DNAH10: variants seen among roughly 807,000 people sequenced by gnomAD.
DNAH10 encodes dynein axonemal heavy chain 10.
A neutral mutation model predicts 506.6 loss-of-function variants in DNAH10; 348 were observed. The observed-to-expected ratio is 0.69, with a 90% CI of 0.63 to 0.75. The LOEUF (loss-of-function observed/expected upper bound fraction) is 0.75, where lower values mean the gene tolerates loss of function less well. DNAH10 is among the 30% of genes least tolerant of loss of function. The pLI is 0.00. For missense variants in DNAH10, 5,179 were observed against 5,787.1 expected, an observed-to-expected ratio of 0.89 and a Z score of 3.41; for synonymous variants, 2,059 against 2,198.6, an observed-to-expected ratio of 0.94 and a Z score of 1.78.
intron 26 of DNAH10, among the ~76,000 whole-genome samples, chr12:123,831,749 CCGGG>C (rs1224550348): frequency 0.023 from 1,432 of 61,200 alleles, 14 homozygotes; most frequent in African/African-American, 0.069. Context: ...AAAAAATTAG[CCGGG>C]TGTGGTGCCG....
chr12:123,826,125 AAAAAAT>A (rs946002937), intron 24 of DNAH10, among the ~76,000 whole-genome samples: 4 of 152,156 alleles, frequency 2.6e-5, no homozygotes, highest in Non-Finnish European at 5.9e-5. Context: ...CTGTCTCCAA[AAAAAAT>A]AAAAATAATA....
rs1431678966 is a variant in DNAH10, at chr12:123,924,573, G to A, written c.11766+141G>A. On this transcript the variant is annotated intron_variant, in intron 67 of 78. Coordinates refer to ENST00000673944, the MANE Select transcript of DNAH10 (RefSeq NM_001372106.1). The stretch of plus-strand genomic sequence containing the variant: ...TGTAACTGATGCCCTGTAACTCCCT[G>A]ATTGGAATTCTCCTTTGGCTAATTC... 4 of 1,094,686 alleles carry A rather than the reference G, an allele frequency of 3.7e-6. No individual in the cohort carries two copies. In the East Asian group the frequency reaches 1.1e-4, roughly 29 times the overall value. The allele number at this position is 1,094,686 out of a possible 1,614,324, so 67.8% of individuals were successfully genotyped here.
chr12:123,796,299 A>G (rs1338482517), intron 12 of DNAH10, among the ~76,000 whole-genome samples: 1 of 152,150 alleles, frequency 6.6e-6, no homozygotes, highest in African/African-American at 2.4e-5. Context: ...TCTACCAAAA[A>G]TACAAAAATT....
chr12:123,799,472 G>T, intron 14 of DNAH10, 101 bp downstream of exon 14: 2 of 1,457,248 alleles, frequency 1.4e-6, no homozygotes, highest in Non-Finnish European at 1.8e-6. Context: ...AGTTGGGTCA[G>T]TTTCCAGAAT....
chr12:123,869,768 C>A (rs913531061), intron 43 of DNAH10, among the ~76,000 whole-genome samples: 1 of 152,200 alleles, frequency 6.6e-6, no homozygotes, highest in Admixed American at 6.5e-5. Flanking sequence ...TGTTCAGTCT[C>A]CGCCTCTCTA....
Position 123,784,112 on chromosome 12 carries a change from T to C in DNAH10, c.1165T>C (p.Phe389Leu), listed in dbSNP as rs776860831. 4 of 1,614,142 alleles carry C rather than the reference T, an allele frequency of 2.5e-6. No homozygotes were observed. Among genetic ancestry groups the C allele is most frequent in the Admixed American group, 1.7e-5 (1 of 60,012 alleles). The change falls in exon 8 of 79, where the codon TTC becomes CTC. Residue 389 changes from phenylalanine to leucine, a missense_variant. Physicochemically the swap from Phe to Leu is conservative, Grantham distance 22. Coordinates refer to ENST00000673944, the MANE Select transcript of DNAH10 (RefSeq NM_001372106.1). The stretch of plus-strand genomic sequence containing the variant: ...TCTGCAGCCAGTGTTCACCGAGTTA[T>C]TCAAGTTCCACACGGAGGCCTCAGA... ...ANLQPVFTEL[F>L]KFHTEASDNV... is the part of the protein sequence containing the mutation.
At chr12:123,878,224 A>G (rs1231134086) in intron 48 of DNAH10, among the ~76,000 whole-genome samples, 1 of 152,224 alleles carries the variant, frequency 6.6e-6, no homozygotes, top group African/African-American at 2.4e-5. Flanking sequence ...CCTTTTGCTC[A>G]CATAACTCAG....
At chr12:123,872,166 G>T (rs984924299) in intron 45 of DNAH10, among the ~76,000 whole-genome samples, 1 of 152,100 alleles carries the variant, frequency 6.6e-6, no homozygotes, top group African/African-American at 2.4e-5. Context: ...CTAAAACTTT[G>T]CAAGTGTTTC....
chr12:123,927,045 TTTTTC>T, intron 69 of DNAH10: 2 of 575,742 alleles, frequency 3.5e-6, no homozygotes, highest in Non-Finnish European at 5.9e-6. Context: ...TTTTTTTTCC[TTTTTC>T]TTTTCTTTTT....
chr12:123,935,195 G>A, intron 78 of DNAH10, 140 bp from the exon 79 acceptor site: 1 of 1,032,550 alleles, frequency 9.7e-7, no homozygotes, highest in Non-Finnish European at 1.4e-6. Context: ...GGGTGGCCCT[G>A]AGCAGCCCCA....
chr12:123,793,394 A>T (rs532332692), intron 11 of DNAH10, among the ~76,000 whole-genome samples: 2,104 of 31,768 alleles, frequency 0.066, 53 homozygotes, highest in African/African-American at 0.15. Flanking sequence ...GCTGGAGTGC[A>T]GTGGCGCCAT....
chr12:123,864,134 CT>C (rs1037784508), intron 39 of DNAH10, among the ~76,000 whole-genome samples: 5 of 125,236 alleles, frequency 4.0e-5, no homozygotes, highest in African/African-American at 8.7e-5. Context: ...AGAACTCAAA[CT>C]TTTTTTTCTT....
intron 16 of DNAH10, 110 bp downstream of exon 16, chr12:123,801,542 A>C: frequency 7.4e-7 from 1 of 1,349,846 alleles, no homozygotes; most frequent in East Asian, 2.4e-5. Context: ...ACAATTAACA[A>C]TTTTTGAGGG....
intron 5 of DNAH10, among the ~76,000 whole-genome samples, chr12:123,778,014 A>G (rs920880532): frequency 6.6e-6 from 1 of 152,070 alleles, no homozygotes; most frequent in African/African-American, 2.4e-5. Context: ...AAATAACAAA[A>G]TAACATCAAC....
intron 47 of DNAH10, among the ~76,000 whole-genome samples, chr12:123,875,802 A>G (rs1001674182): frequency 3.9e-5 from 6 of 152,184 alleles, no homozygotes; most frequent in Non-Finnish European, 7.3e-5. Context: ...CGAAGAATCA[A>G]CTAGCAGGCT....
chr12:123,846,283 T>G lies in DNAH10; in HGVS notation c.5814+129T>G, dbSNP rs1594178501. ...TCATTGCTTTGAAATCTCGAAAAGCTTTTCCATTTGGGATGTGACCAGATT... is the reference window on the plus strand; with the variant it reads ...TCATTGCTTTGAAATCTCGAAAAGCGTTTCCATTTGGGATGTGACCAGATT... On this transcript the variant is annotated intron_variant, in intron 32 of 78. Coordinates refer to ENST00000673944, the MANE Select transcript of DNAH10 (RefSeq NM_001372106.1). This position sits in a 1 kb window ranked among gnomAD's most constrained non-coding sequence, Gnocchi z 4.5. 8.0e-7 allele frequency: 1 copy of G among 1,255,054 alleles called. No homozygotes were observed. The highest frequency in any genetic ancestry group is 2.6e-5 in the East Asian group (1 of 39,078). 77.7% of individuals were successfully genotyped at this position (1,255,054 alleles called of 1,614,324 possible).
rs914785302 is a variant in DNAH10 at position 123,787,095 on chromosome 12, C to T, written c.1422-709C>T. Among the ~76,000 whole-genome samples the T allele has an allele frequency of 4.6e-5, 7 of 152,126 alleles. No homozygotes were observed. Among genetic ancestry groups the T allele is most frequent in the Non-Finnish European group, 8.8e-5 (6 of 68,016 alleles). ...TGGAGGTTGCAGTGAGCCGAGATTG[C>T]ACCTGTCTATATCTGTATCTATATC... On this transcript the variant is annotated intron_variant, in intron 9 of 78. Transcript: ENST00000673944. This position sits in a 1 kb window ranked among gnomAD's most constrained non-coding sequence, Gnocchi z 4.6.
chr12:123,802,193 A>G (rs967189346), intron 16 of DNAH10, among the ~76,000 whole-genome samples: 5 of 152,232 alleles, frequency 3.3e-5, no homozygotes, highest in African/African-American at 7.2e-5. Flanking sequence ...TAAAGCTGCT[A>G]TAAACATTTG....
Position 123,870,485 on chromosome 12 carries a change from G to GGTAA in DNAH10, c.7639+3_7639+6dup. On this transcript the variant is annotated frameshift_variant and splice_region_variant. Transcript: ENST00000673944. LOFTEE classifies it high-confidence loss of function. ...CGAGAGGAAATTCATCAACATCCTG[G>GGTAA]GTAAGTCAGAGTCAAATCCTTGTTC... 6.2e-7 allele frequency: 1 copy of GGTAA among 1,612,878 alleles called. No individual in the cohort carries two copies. The highest frequency in any genetic ancestry group is 8.5e-7 in the Non-Finnish European group (1 of 1,179,654).
Sources: gnomAD v4.1 joint callset for allele counts (sites outside exome capture counted in the v4.1 genomes callset) on GRCh38, gnomAD v4.1.1 for gene constraint, Gnocchi (gnomAD v3.1) non-coding constraint, MANE v1.5 for transcripts, NCBI Gene and HGNC (gene_info 2026-07-23, HGNC 2026-07-21) for gene names.